The following PCDHA2 variants were observed in gnomAD, a reference collection of about 807,000 sequenced individuals.
PCDHA2 encodes the protein protocadherin alpha 2, also known as protocadherin alpha-2.
PCDHA2 carries 58 observed loss-of-function variants against 66.0 expected under a neutral mutation model. The observed-to-expected ratio is 0.88, with a 90% CI of 0.71 to 1.09. The LOEUF is 1.09. Among genes scored for constraint, PCDHA2 ranks in the 50% least tolerant of loss-of-function variants. The pLI is 0.00. For synonymous variants in PCDHA2, 634 were observed against 554.0 expected, an observed-to-expected ratio of 1.14 and a Z score of -2.03; for missense variants, 1,267 against 1,242.3, an observed-to-expected ratio of 1.02 and a Z score of -0.30.
At chr5:140,941,216 T>TTTCTTTCTTTCC (rs782179127) in intron 1 of PCDHA2, among the ~76,000 whole-genome samples, 13 of 124,948 alleles carry the variant, frequency 1.0e-4, no homozygotes, top group Non-Finnish European at 1.8e-4. Context: ...TCTTTCTTCC[T>TTTCTTTCTTTCC]TTCTTTCTTT....
chr5:140,847,157 T>G (rs1780881286), intron 1 of PCDHA2, among the ~76,000 whole-genome samples: 1 of 149,630 alleles, frequency 6.7e-6, no homozygotes. Context: ...TCTTGATTTC[T>G]GAGTAATAAA....
intron 1 of PCDHA2, among the ~76,000 whole-genome samples, chr5:140,954,151 A>G (rs2094989173): frequency 6.6e-6 from 1 of 152,226 alleles, no homozygotes; most frequent in Admixed American, 6.5e-5. Context: ...TCCATGGTGT[A>G]TATGTACCAC....
At chr5:140,867,316 T>C (rs1234644689) in intron 1 of PCDHA2, 5 of 152,146 alleles carry the variant, frequency 3.3e-5, no homozygotes, top group African/African-American at 1.2e-4. Context: ...TGTCATCTGG[T>C]CTAATGTTAT....
intron 1 of PCDHA2, among the ~76,000 whole-genome samples, chr5:140,885,665 G>A (rs2060682140): frequency 6.6e-6 from 1 of 152,114 alleles, no homozygotes; most frequent in Non-Finnish European, 1.5e-5. Flanking sequence ...CCAGTTATGA[G>A]CACTCTTTCT....
chr5:140,923,297 G>C (rs1554201355), intron 1 of PCDHA2, among the ~76,000 whole-genome samples: 1 of 152,186 alleles, frequency 6.6e-6, no homozygotes, highest in African/African-American at 2.4e-5. Flanking sequence ...AATTAGCTGG[G>C]CGTGGGGGCG....
At chr5:140,978,246 C>G (rs1243560833) in intron 1 of PCDHA2, among the ~76,000 whole-genome samples, 1 of 152,148 alleles carries the variant, frequency 6.6e-6, no homozygotes, top group Admixed American at 6.5e-5. Context: ...TCAGCTACTC[C>G]CTGTTAAACA....
At chr5:140,926,650 T>G (rs1014447499) in intron 1 of PCDHA2, 13 of 487,778 alleles carry the variant, frequency 2.7e-5, no homozygotes, top group Middle Eastern at 5.5e-4. Flanking sequence ...CCCGGCCGGC[T>G]CCGCTTTCCC....
chr5:140,927,582 G>A lies in PCDHA2; in HGVS notation c.2389-51367G>A, dbSNP rs1554204771. On this transcript the variant is annotated intron_variant, in intron 1 of 3. Transcript: ENST00000526136. ...TTGTGGTGGACACAAATGACAACGCGCCTGTATTTGAGCGCTCCGTATACC... is the reference window on the plus strand; with the variant it reads ...TTGTGGTGGACACAAATGACAACGCACCTGTATTTGAGCGCTCCGTATACC... 3.7e-6 allele frequency: 6 copies of A among 1,614,174 alleles called. No individual in the cohort carries two copies. In the East Asian group the frequency reaches 1.1e-4, roughly 30 times the overall value.
intron 1 of PCDHA2, chr5:140,801,485 C>G: frequency 6.2e-7 from 1 of 1,614,078 alleles, no homozygotes; most frequent in Non-Finnish European, 8.5e-7. Context: ...AGGAACTGTG[C>G]GGGCGGAGCG....
chr5:140,825,311 T>G (rs1360273212), intron 1 of PCDHA2: 2 of 149,360 alleles, frequency 1.3e-5, no homozygotes, highest in Non-Finnish European at 3.0e-5. Flanking sequence ...AACAATGATT[T>G]AATTTTCTGG....
chr5:140,995,113 A>G (rs560699104), intron 3 of PCDHA2, among the ~76,000 whole-genome samples: 68 of 152,252 alleles, frequency 4.5e-4, no homozygotes, highest in Non-Finnish European at 8.4e-4. Flanking sequence ...CAAGACCCTC[A>G]GTGGATGCCT....
chr5:140,800,990 C>T, intron 1 of PCDHA2: 1 of 1,368,604 alleles, frequency 7.3e-7, no homozygotes, highest in Non-Finnish European at 9.5e-7. Flanking sequence ...TTAATACTTA[C>T]ACGTTTAGCC....
At chr5:140,806,049 A>T (rs1763674916) in intron 1 of PCDHA2, among the ~76,000 whole-genome samples, 2 of 152,218 alleles carry the variant, frequency 1.3e-5, no homozygotes, top group South Asian at 4.1e-4. Flanking sequence ...TAAATGGCCC[A>T]CGCGATTCCA....
At chr5:140,828,560 G>A (rs2150156766) in intron 1 of PCDHA2, 3 of 1,614,092 alleles carry the variant, frequency 1.9e-6, no homozygotes, top group African/African-American at 1.3e-5. Flanking sequence ...ACTGGAGGGC[G>A]CGTCCGATGC....
intron 1 of PCDHA2, among the ~76,000 whole-genome samples, chr5:140,977,932 C>T (rs2096781582): frequency 6.6e-6 from 1 of 151,944 alleles, no homozygotes; most frequent in Non-Finnish European, 1.5e-5. Flanking sequence ...TCAACTATAC[C>T]TCAATATTCA....
intron 3 of PCDHA2, 87 bp downstream of exon 3, chr5:140,982,650 C>T (rs1299219435): frequency 4.6e-6 from 7 of 1,507,000 alleles, no homozygotes; most frequent in Non-Finnish European, 5.3e-6. Flanking sequence ...ATGTTGATGG[C>T]TCTTTTTCTT....
chr5:140,898,321 G>T (rs370229202), intron 1 of PCDHA2, among the ~76,000 whole-genome samples: 1 of 151,946 alleles, frequency 6.6e-6, no homozygotes. Context: ...TTATGGTTTT[G>T]GGTCTAACGT....
chr5:141,001,694 C>A (rs2098032582), intron 3 of PCDHA2, among the ~76,000 whole-genome samples: 1 of 151,662 alleles, frequency 6.6e-6, no homozygotes, highest in African/African-American at 2.4e-5. Flanking sequence ...CCACAGATGG[C>A]GAAATAGGGG....
chr5:140,936,760 T>G (rs2091134702), intron 1 of PCDHA2, among the ~76,000 whole-genome samples: 1 of 152,220 alleles, frequency 6.6e-6, no homozygotes, highest in African/African-American at 2.4e-5. Context: ...TGATATCTAA[T>G]TGTGTAAGTT....
Sources: gnomAD v4.1 joint callset for allele counts (sites outside exome capture counted in the v4.1 genomes callset) on GRCh38, gnomAD v4.1.1 for gene constraint, MANE v1.5 for transcripts, NCBI Gene and HGNC (gene_info 2026-07-23, HGNC 2026-07-21) for gene names.